Variants in GSAP observed in about 807,000 individuals in gnomAD.
The protein encoded by GSAP is gamma-secretase-activating protein.
A neutral mutation model predicts 131.7 loss-of-function variants in GSAP; 118 were observed. That is an observed-to-expected ratio of 0.90 (90% CI 0.77 to 1.04). The LOEUF (loss-of-function observed/expected upper bound fraction) is 1.04. Among genes scored for constraint, GSAP ranks in the 50% least tolerant of loss-of-function variants. The pLI, the probability that GSAP is intolerant of heterozygous loss-of-function variation, is 0.00. For synonymous variants in GSAP, 381 were observed against 363.4 expected (o/e 1.05, Z -0.55); for missense variants, 1,019 against 1,013.2 (o/e 1.01, Z -0.08).
intron 23 of GSAP, among the ~76,000 whole-genome samples, chr7:77,325,181 C>A (rs1194444374): frequency 1.3e-5 from 2 of 151,988 alleles, no homozygotes; most frequent in African/African-American, 4.8e-5. Context: ...TAATTATTTC[C>A]TTCTTGTATA....
intron 12 of GSAP, among the ~76,000 whole-genome samples, chr7:77,373,016 A>C (rs1796367202): frequency 6.6e-6 from 1 of 152,194 alleles, no homozygotes; most frequent in Non-Finnish European, 1.5e-5. Flanking sequence ...TGGATTATGC[A>C]GGAGTGAAGT....
intron 3 of GSAP, 65 bp from the exon 4 acceptor site, chr7:77,397,480 A>C (rs1217575202): frequency 3.3e-6 from 3 of 902,720 alleles, no homozygotes; most frequent in Non-Finnish European, 5.3e-6. Context: ...GTATGAACAT[A>C]AATTCCCATT....
At chr7:77,363,166 C>T (rs1794787649) in intron 12 of GSAP, among the ~76,000 whole-genome samples, 1 of 152,244 alleles carries the variant, frequency 6.6e-6, no homozygotes, top group African/African-American at 2.4e-5. Flanking sequence ...CCATATCCAT[C>T]CGTAACTGAG....
chr7:77,356,839 C>G (rs555010431), intron 14 of GSAP, among the ~76,000 whole-genome samples: 2 of 152,326 alleles, frequency 1.3e-5, no homozygotes, highest in South Asian at 4.1e-4. Context: ...ACATGCTAAT[C>G]ATTTGCATAG....
chr7:77,342,788 T>C (rs571344652), intron 19 of GSAP, among the ~76,000 whole-genome samples: 1 of 152,298 alleles, frequency 6.6e-6, no homozygotes, highest in South Asian at 2.1e-4. Context: ...TCCCCTATTT[T>C]ACCTGTCCAA....
chr7:77,319,148 A>G (rs547828880), intron 26 of GSAP, among the ~76,000 whole-genome samples: 2 of 152,306 alleles, frequency 1.3e-5, no homozygotes, highest in African/African-American at 4.8e-5. Context: ...TTTGCAAACC[A>G]TATATCTAAC....
rs937483709 is a variant in GSAP, at chr7:77,416,234, C to T, written c.88G>A (p.Gly30Arg). Reference sequence around the variant, plus strand: ...GCACCTGCGCCGCCGCTTCCGGCCCCGCTGGCCTCCGACACTGCCCGCTGC... The same window carrying T: ...GCACCTGCGCCGCCGCTTCCGGCCCTGCTGGCCTCCGACACTGCCCGCTGC... ...RAQRAVSEAS[G>R]AGSGGADVLE... The change falls in exon 1 of 31, where the codon GGG (glycine) becomes AGG (arginine). Residue 30 changes from glycine (G) to arginine (R), a missense_variant. Transcript: ENST00000257626. 6.8e-7 allele frequency: 1 copy of T among 1,479,082 alleles called. No homozygotes were observed. The highest frequency in any genetic ancestry group is 9.0e-7 in the Non-Finnish European group (1 of 1,116,886). The allele number at this position is 1,479,082 out of a possible 1,614,324, so 91.6% of individuals were successfully genotyped here.
chr7:77,340,595 C>G (rs1368869052), intron 19 of GSAP, among the ~76,000 whole-genome samples: 2 of 152,174 alleles, frequency 1.3e-5, no homozygotes, highest in African/African-American at 4.8e-5. Context: ...GTTATTTTTC[C>G]TCTCTAGTAG....
chr7:77,332,440 A>G (rs1245366674), intron 19 of GSAP, among the ~76,000 whole-genome samples: 1 of 152,236 alleles, frequency 6.6e-6, no homozygotes, highest in Non-Finnish European at 1.5e-5. Flanking sequence ...GCTAATTAGC[A>G]TAGCCATCTG....
intron 19 of GSAP, among the ~76,000 whole-genome samples, chr7:77,336,613 CAAGT>C (rs975413675): frequency 2.6e-5 from 4 of 152,128 alleles, no homozygotes; most frequent in Non-Finnish European, 5.9e-5. Flanking sequence ...CTCAGCCTCC[CAAGT>C]AGCTGGGACT....
At chr7:77,381,469 C>G in intron 7 of GSAP, 115 bp from the exon 8 acceptor site, 4 of 511,714 alleles carry the variant, frequency 7.8e-6, no homozygotes, top group Non-Finnish European at 1.4e-5. Context: ...GAACAACTGG[C>G]CAGAAAAACA....
intron 14 of GSAP, among the ~76,000 whole-genome samples, chr7:77,359,209 A>G (rs10953211): frequency 0.077 from 11,659 of 152,130 alleles, 467 homozygotes; most frequent in Middle Eastern, 0.12. Flanking sequence ...TCAAAAAAAA[A>G]AAGAAACTAT....
chr7:77,389,066 G>A (rs1046923225), intron 5 of GSAP, among the ~76,000 whole-genome samples: 1 of 152,116 alleles, frequency 6.6e-6, no homozygotes, highest in Non-Finnish European at 1.5e-5. Flanking sequence ...AGACATTGGT[G>A]TCAAAGATAT....
chr7:77,391,566 G>C (rs116439829), intron 5 of GSAP, among the ~76,000 whole-genome samples: 186 of 152,306 alleles, frequency 1.2e-3, no homozygotes, highest in African/African-American at 4.4e-3. Flanking sequence ...GCTCACGCCT[G>C]TAATCCCAAC....
At chr7:77,325,826 C>T (rs1308368009) in intron 23 of GSAP, among the ~76,000 whole-genome samples, 1 of 152,196 alleles carries the variant, frequency 6.6e-6, no homozygotes, top group Non-Finnish European at 1.5e-5. Context: ...CCACCTTGGC[C>T]TCCCAAAGTG....
chr7:77,387,251 G>A, intron 6 of GSAP, 109 bp downstream of exon 6: 1 of 660,028 alleles, frequency 1.5e-6, no homozygotes, highest in South Asian at 1.9e-5. Flanking sequence ...CTACAAGACT[G>A]TTCTGAGGAT....
At chr7:77,330,544 ATCT>A (rs1562916772) in intron 19 of GSAP, 177 bp from the exon 20 acceptor site, 5 of 1,189,836 alleles carry the variant, frequency 4.2e-6, no homozygotes, top group Non-Finnish European at 5.2e-6. Flanking sequence ...GACTTAAAGA[ATCT>A]TCTTTACCCA....
intron 12 of GSAP, among the ~76,000 whole-genome samples, chr7:77,370,400 G>A (rs1229414833): frequency 6.6e-6 from 1 of 152,178 alleles, no homozygotes; most frequent in Non-Finnish European, 1.5e-5. Flanking sequence ...GGAGGAGGTT[G>A]CAGTGAGCTG....
chr7:77,387,689 G>A (rs1798791854), intron 5 of GSAP, among the ~76,000 whole-genome samples: 1 of 152,106 alleles, frequency 6.6e-6, no homozygotes, highest in African/African-American at 2.4e-5. Flanking sequence ...CCCAGCAAAG[G>A]ACCTGCCTTC....
Sources: gnomAD v4.1 joint callset for allele counts (sites outside exome capture counted in the v4.1 genomes callset) on GRCh38, gnomAD v4.1.1 for gene constraint, MANE v1.5 for transcripts, NCBI Gene and HGNC (gene_info 2026-07-23, HGNC 2026-07-21) for gene names.